Variants in OTUD3 observed in about 807,000 individuals in gnomAD.
The protein encoded by OTUD3 is OTU domain-containing protein 3.
OTUD3 carries 24 observed loss-of-function variants against 46.2 expected under a neutral mutation model. The ratio of observed to expected loss-of-function variants is 0.52; its 90% CI spans 0.38 to 0.73. OTUD3 has a LOEUF of 0.73. Among genes scored for constraint, OTUD3 ranks in the 30% least tolerant of loss-of-function variants. The pLI is 0.00. For synonymous variants in OTUD3, 189 were observed against 195.4 expected (o/e 0.97, Z 0.27); for missense variants, 455 against 523.3 (o/e 0.87, Z 1.27).
rs1571191607 is a variant in OTUD3, at chr1:19,911,336, G to C, written c.*3590G>C. 1.3e-5 allele frequency: 2 copies of C among 151,894 alleles called. No individual in the cohort carries two copies. The highest frequency in any genetic ancestry group is 3.8e-4 in the East Asian group (2 of 5,330). 9.4% of individuals were successfully genotyped at this position (151,894 alleles called of 1,614,324 possible). ...CGGGGCCTTTGACAGTTGTTCTGAG[G>C]TGATTTAATAATGGACTTTTTATAA... On this transcript the variant is annotated 3_prime_UTR_variant, in exon 8 of 8. Transcript: ENST00000375120.
At position 19,904,878 on chromosome 1, in the gene OTUD3, G is replaced by T. The variant is rs779070449; in HGVS notation, c.739-13G>T. ...TTTGAAGTGGTTTTTTTGTTTGTTT[G>T]TTTCTTGGATAGGATTTTAATTTAA... On this transcript the variant is annotated splice_polypyrimidine_tract_variant and intron_variant, in intron 5 of 7. Coordinates refer to ENST00000375120, the MANE Select transcript of OTUD3 (RefSeq NM_015207.2). 3.0e-6 allele frequency: 4 copies of T among 1,346,702 alleles called. No individual in the cohort carries two copies. The highest frequency in any genetic ancestry group is 2.5e-5 in the South Asian group (2 of 80,832). The allele number at this position is 1,346,702 out of a possible 1,614,324, so 83.4% of individuals were successfully genotyped here. A position where few individuals can be genotyped will look rare whatever the true frequency, so the allele number is the denominator to read the frequency against.
In OTUD3 at chr1:19,905,721, A is replaced by G. The variant is rs552613156; in HGVS notation, c.836-711A>G. On this transcript the variant is annotated intron_variant, in intron 6 of 7. Transcript: ENST00000375120. ...GCACCATTGCACTCCAGCCTGGGCA[A>G]CAGAGCGAGACTCCCTCTCAAAAAA... 1.2e-4 allele frequency among the ~76,000 whole-genome samples: 19 copies of G among 152,316 alleles called. No individual in the cohort carries two copies. The East Asian group carries it at 3.5e-3, about 28-fold the overall frequency.
chr1:19,891,749 T>C (rs529864880), intron 2 of OTUD3, among the ~76,000 whole-genome samples: 1 of 152,282 alleles, frequency 6.6e-6, no homozygotes, highest in African/African-American at 2.4e-5. Context: ...TGTTTCCCAT[T>C]CCTTACTAGG....
intron 1 of OTUD3, among the ~76,000 whole-genome samples, chr1:19,884,179 T>G (rs564819927): frequency 1.3e-5 from 2 of 152,284 alleles, no homozygotes; most frequent in Admixed American, 1.3e-4. Flanking sequence ...CGTGGGACAT[T>G]GGGGCTTTTC....
rs753249259 is a variant in OTUD3 at position 19,897,677 on chromosome 1, G to A, written c.606+15G>A. ...TCCAGACGGATGTGAGTGAGGCCTCGGATTTCTCCCGTATTCCCCGCCCTA... is the reference window on the plus strand; with the variant it reads ...TCCAGACGGATGTGAGTGAGGCCTCAGATTTCTCCCGTATTCCCCGCCCTA... On this transcript the variant is annotated intron_variant, in intron 4 of 7. Transcript: ENST00000375120. 9.3e-6 allele frequency: 15 copies of A among 1,610,152 alleles called. No homozygotes were observed. The highest frequency in any genetic ancestry group is 5.0e-5 in the Admixed American group (3 of 59,448).
chr1:19,903,889 G>A (rs950329102), intron 4 of OTUD3, among the ~76,000 whole-genome samples: 3 of 152,204 alleles, frequency 2.0e-5, no homozygotes, highest in African/African-American at 7.2e-5. Context: ...CCGTTTTTGT[G>A]CAAAAGTTCA....
intron 1 of OTUD3, 121 bp downstream of exon 1, chr1:19,882,855 G>C (rs2045291186): frequency 2.2e-6 from 2 of 889,618 alleles, no homozygotes; most frequent in Admixed American, 8.7e-5. Context: ...CCTCCCGCGA[G>C]CCAGCCACGC....
intron 1 of OTUD3, among the ~76,000 whole-genome samples, chr1:19,887,094 T>A (rs2045374175): frequency 1.3e-5 from 2 of 151,098 alleles, no homozygotes; most frequent in Non-Finnish European, 2.9e-5. Context: ...TTTTTTTTTT[T>A]TTTTGGAGAC....
Position 19,882,686 on chromosome 1 carries a change from A to G in OTUD3, c.173A>G (p.Asn58Ser), listed in dbSNP as rs1334476801. 9 of 1,455,624 alleles carry G rather than the reference A, an allele frequency of 6.2e-6. No individual in the cohort carries two copies. The highest frequency in any genetic ancestry group is 1.4e-5 in the South Asian group (1 of 73,714). 90.2% of individuals were successfully genotyped at this position (1,455,624 alleles called of 1,614,324 possible). Residue 58 changes from asparagine to serine, a missense_variant, in exon 1 of 8, where the codon AAC becomes AGC. Transcript: ENST00000375120. ...GCEEEFVSFA[N>S]QLQALGLKLR... is the part of the protein sequence containing the mutation. ...GAGGAGGAGTTCGTCAGCTTCGCCA[A>G]CCAGCTGCAGGCCCTGGGGCTGAAG...
intron 2 of OTUD3, among the ~76,000 whole-genome samples, 196 bp downstream of exon 2, chr1:19,890,729 T>C (rs2045434579): frequency 6.6e-6 from 1 of 152,230 alleles, no homozygotes. Flanking sequence ...TAGCTGTATA[T>C]GCCCTTAATA....
chr1:19,912,002 G>T lies in OTUD3; in HGVS notation c.*4256G>T, dbSNP rs1304343539. 1 of 152,360 alleles carries T rather than the reference G, an allele frequency of 6.6e-6. No individual in the cohort carries two copies. Among genetic ancestry groups the T allele is most frequent in the Non-Finnish European group, 1.5e-5 (1 of 68,054 alleles). 9.4% of individuals were successfully genotyped at this position (152,360 alleles called of 1,614,324 possible). On this transcript the variant is annotated 3_prime_UTR_variant, in exon 8 of 8. Transcript: ENST00000375120. ...TCCCTCTCTTTACTGTCCTCGTTAG[G>T]ACTGTTTTGTGGTTCCATGAAAATG...
chr1:19,904,051 T>C lies in OTUD3; in HGVS notation c.607-216T>C, dbSNP rs1892477. Among the ~76,000 whole-genome samples, 934 of 152,358 alleles carry C rather than the reference T, an allele frequency of 6.1e-3. 14 individuals carry two copies. Among genetic ancestry groups the C allele is most frequent in the African/African-American group, 0.021 (879 of 41,582 alleles). On this transcript the variant is annotated intron_variant, in intron 4 of 7. Transcript: ENST00000375120. ...TGCCTTTCTTACTGAGCAGTTATTC[T>C]GTCTTTTGGGCCTTTCTTTTCAATT...
chr1:19,900,043 C>T (rs2045565446), intron 4 of OTUD3, among the ~76,000 whole-genome samples: 1 of 151,964 alleles, frequency 6.6e-6, no homozygotes, highest in Admixed American at 6.5e-5. Context: ...CTCCTGTGGT[C>T]TTTGCTATGA....
At chr1:19,890,621 G>A in intron 2 of OTUD3, 88 bp downstream of exon 2, 1 of 1,196,878 alleles carries the variant, frequency 8.4e-7, no homozygotes, top group Admixed American at 1.9e-5. Flanking sequence ...CCAGCCAAGG[G>A]TTTGGTTATA....
intron 3 of OTUD3, among the ~76,000 whole-genome samples, chr1:19,895,082 A>G (rs975584794): frequency 1.3e-5 from 2 of 152,220 alleles, no homozygotes; most frequent in Non-Finnish European, 2.9e-5. Context: ...AAACATTGAT[A>G]CATAACTGGA....
At chr1:19,904,831 G>A (rs542331375) in intron 5 of OTUD3, 60 bp from the exon 6 acceptor site, 21 of 800,050 alleles carry the variant, frequency 2.6e-5, no homozygotes, top group Middle Eastern at 2.9e-4. Flanking sequence ...AGTAGAGCTA[G>A]GCAGAAAAAT....
At chr1:19,887,773 A>G (rs2045388229) in intron 1 of OTUD3, among the ~76,000 whole-genome samples, 1 of 152,220 alleles carries the variant, frequency 6.6e-6, no homozygotes, top group East Asian at 1.9e-4. Context: ...TTAAAGCCAC[A>G]TCATTTATCT....
intron 4 of OTUD3, among the ~76,000 whole-genome samples, chr1:19,902,127 C>T (rs193240444): frequency 3.3e-5 from 5 of 152,268 alleles, no homozygotes; most frequent in East Asian, 3.9e-4. Context: ...TACTTGCCAC[C>T]GGTAATGTAT....
intron 4 of OTUD3, among the ~76,000 whole-genome samples, chr1:19,902,298 C>T (rs1048177243): frequency 5.9e-5 from 9 of 152,236 alleles, no homozygotes; most frequent in East Asian, 1.9e-4. Context: ...CTCCGCCTCC[C>T]GGGTTCACGC....
Sources: allele counts gnomAD v4.1 joint callset (sites outside exome capture counted in the v4.1 genomes callset), GRCh38; gene constraint gnomAD v4.1.1; transcripts MANE v1.5; gene names NCBI Gene and HGNC (gene_info 2026-07-23, HGNC 2026-07-21).